The following VDAC1 variants were observed in gnomAD, a reference collection of about 807,000 sequenced individuals.
VDAC1 encodes voltage dependent anion channel 1.
Under a neutral mutation model 34.7 loss-of-function variants are expected in VDAC1, and 10 were observed. The ratio of observed to expected loss-of-function variants is 0.29; its 90% CI spans 0.18 to 0.49. The LOEUF is 0.49. Among genes scored for constraint, VDAC1 ranks in the 20% least tolerant of loss-of-function variants. VDAC1 has a pLI of 0.99. For missense variants in VDAC1, 230 were observed against 347.9 expected (o/e 0.66, Z 2.69); for synonymous variants, 130 against 136.0 (o/e 0.96, Z 0.30).
At chr5:134,051,777 C>G in the VDAC1 span, among the ~76,000 whole-genome samples, 1 of 151,822 alleles carries the variant, frequency 6.6e-6, no homozygotes, top group Non-Finnish European at 1.5e-5. Flanking sequence ...CGGCTCACTG[C>G]AACCTCCACC....
intron 6 of VDAC1, 72 bp downstream of exon 6, chr5:133,980,655 AGT>A: frequency 1.6e-5 from 14 of 876,616 alleles, no homozygotes; most frequent in East Asian, 6.9e-5. Context: ...AAAAAAAAAC[AGT>A]GAAAAGCAAT....
chr5:134,114,505 G>C, the VDAC1 span, among the ~76,000 whole-genome samples: 4 of 152,250 alleles, frequency 2.6e-5, no homozygotes, highest in African/African-American at 7.2e-5. Flanking sequence ...TTCGGGAGAA[G>C]GGTGATCATT....
At chr5:134,107,441 C>A in the VDAC1 span, among the ~76,000 whole-genome samples, 2 of 152,260 alleles carry the variant, frequency 1.3e-5, no homozygotes, top group Admixed American at 6.5e-5. Context: ...AGTCCTGTCT[C>A]TGCCCCCAGG....
At chr5:133,991,569 G>A (rs1753105988) in intron 3 of VDAC1, among the ~76,000 whole-genome samples, 1 of 152,200 alleles carries the variant, frequency 6.6e-6, no homozygotes, top group Non-Finnish European at 1.5e-5. Flanking sequence ...AAACACTTAT[G>A]TGGTTGAATG....
chr5:134,068,852 T>C, the VDAC1 span, among the ~76,000 whole-genome samples: 6 of 152,164 alleles, frequency 3.9e-5, no homozygotes, highest in Non-Finnish European at 8.8e-5. Context: ...CTATCCTCTG[T>C]GCATCTTGGT....
At chr5:134,023,522 C>T in the VDAC1 span, among the ~76,000 whole-genome samples, 1 of 150,866 alleles carries the variant, frequency 6.6e-6, no homozygotes, top group Non-Finnish European at 1.5e-5. Flanking sequence ...GGCCCCCTCT[C>T]CATGGCAGAT....
At chr5:134,068,842 C>G in the VDAC1 span, among the ~76,000 whole-genome samples, 1 of 152,150 alleles carries the variant, frequency 6.6e-6, no homozygotes, top group African/African-American at 2.4e-5. Context: ...TCCACTTACT[C>G]TATCCTCTGT....
the VDAC1 span, among the ~76,000 whole-genome samples, chr5:134,101,867 C>G: frequency 1.3e-5 from 2 of 152,194 alleles, no homozygotes; most frequent in Non-Finnish European, 2.9e-5. Flanking sequence ...TCAGATGCAG[C>G]CTGACCCTCC....
the VDAC1 span, among the ~76,000 whole-genome samples, chr5:134,099,054 AG>A: frequency 6.6e-6 from 1 of 152,182 alleles, no homozygotes; most frequent in African/African-American, 2.4e-5. Context: ...GACACAGAGG[AG>A]AAACGGAGAC....
chr5:134,002,044 C>T (rs1753578775), intron 1 of VDAC1, among the ~76,000 whole-genome samples: 2 of 152,186 alleles, frequency 1.3e-5, no homozygotes, highest in Non-Finnish European at 1.5e-5. Context: ...CTCCAAGCTT[C>T]GGCTGGTCCT....
At chr5:134,066,102 T>C in the VDAC1 span, among the ~76,000 whole-genome samples, 1 of 151,848 alleles carries the variant, frequency 6.6e-6, no homozygotes, top group Non-Finnish European at 1.5e-5. Context: ...CGATAGTAAA[T>C]ATTTTTATCT....
the VDAC1 span, among the ~76,000 whole-genome samples, chr5:134,037,201 A>G: frequency 3.3e-5 from 5 of 152,148 alleles, no homozygotes; most frequent in Non-Finnish European, 7.4e-5. Flanking sequence ...TAAAGCAACA[A>G]TCCTAATAGA....
At chr5:134,079,241 AGT>A in the VDAC1 span, among the ~76,000 whole-genome samples, 1 of 152,110 alleles carries the variant, frequency 6.6e-6, no homozygotes, top group Non-Finnish European at 1.5e-5. Flanking sequence ...AGCCTCCCGC[AGT>A]GCTGGGATTA....
intron 1 of VDAC1, among the ~76,000 whole-genome samples, chr5:134,003,783 T>C (rs1464733668): frequency 6.6e-6 from 1 of 152,222 alleles, no homozygotes; most frequent in African/African-American, 2.4e-5. Flanking sequence ...AGAGGTACAA[T>C]TGCTCCCGTC....
intron 6 of VDAC1, chr5:133,976,442 T>A (rs1383245698): frequency 6.0e-6 from 1 of 165,752 alleles, no homozygotes; most frequent in African/African-American, 2.4e-5. Flanking sequence ...GAGGCAGAGG[T>A]TGCAGTAAGC....
chr5:134,043,168 G>A, the VDAC1 span, among the ~76,000 whole-genome samples: 4 of 152,208 alleles, frequency 2.6e-5, no homozygotes, highest in Non-Finnish European at 4.4e-5. Flanking sequence ...TGGGCCTGTC[G>A]GCCTGGCAAA....
At chr5:134,033,783 C>G in the VDAC1 span, among the ~76,000 whole-genome samples, 225 of 151,676 alleles carry the variant, frequency 1.5e-3, no homozygotes, top group Middle Eastern at 0.014. Context: ...ACGAGGTCAG[C>G]AGATCGAGAC....
At chr5:134,086,547 T>C in the VDAC1 span, among the ~76,000 whole-genome samples, 18 of 151,312 alleles carry the variant, frequency 1.2e-4, no homozygotes, top group African/African-American at 3.9e-4. Flanking sequence ...ACGTGTAGAT[T>C]CTTGACAGCT....
At chr5:134,042,170 GC>G in the VDAC1 span, among the ~76,000 whole-genome samples, 1 of 152,320 alleles carries the variant, frequency 6.6e-6, no homozygotes, top group Non-Finnish European at 1.5e-5. Context: ...TACTGACCAG[GC>G]ACTGATGGCC....
Sources: allele counts gnomAD v4.1 joint callset (sites outside exome capture counted in the v4.1 genomes callset), GRCh38; gene constraint gnomAD v4.1.1; transcripts MANE v1.5; gene names NCBI Gene and HGNC (gene_info 2026-07-23, HGNC 2026-07-21).